The following TXLNB variants were observed in gnomAD, a reference collection of about 807,000 sequenced individuals.
TXLNB encodes the protein taxilin beta.
In TXLNB, 37 loss-of-function variants were observed where a neutral mutation model predicts 57.4. That is an observed-to-expected ratio of 0.64 (90% CI 0.50 to 0.85). The LOEUF (loss-of-function observed/expected upper bound fraction) is 0.85, where lower values mean the gene tolerates loss of function less well. Ranked by LOEUF, TXLNB falls within the 40% of genes least tolerant of loss-of-function variation. The pLI is 0.00. For synonymous variants in TXLNB, 302 were observed against 309.6 expected, an observed-to-expected ratio of 0.98 and a Z score of 0.26; for missense variants, 848 against 825.6, an observed-to-expected ratio of 1.03 and a Z score of -0.33.
chr6:139,226,158 G>T, the TXLNB span, among the ~76,000 whole-genome samples: 48 of 151,728 alleles, frequency 3.2e-4, no homozygotes, highest in African/African-American at 9.9e-4. Flanking sequence ...AATTAGCCAG[G>T]CTGGTGATGC....
chr6:139,226,173 C>T, the TXLNB span, among the ~76,000 whole-genome samples: 3 of 151,642 alleles, frequency 2.0e-5, no homozygotes, highest in African/African-American at 7.3e-5. Context: ...TGATGCGTGC[C>T]TGTAGTCCCA....
chr6:139,240,054 TAG>T (rs1170026710), downstream of TXLNB: 2 of 152,394 alleles, frequency 1.3e-5, no homozygotes, highest in African/African-American at 4.8e-5. Context: ...AAATGAGTAC[TAG>T]AGAATTTGGG....
At chr6:139,169,367 C>T in the TXLNB span, among the ~76,000 whole-genome samples, 4 of 151,914 alleles carry the variant, frequency 2.6e-5, no homozygotes, top group Non-Finnish European at 5.9e-5. Flanking sequence ...GGTGTTTTTA[C>T]GGAGTTACAA....
chr6:139,322,646 AGT>A, the TXLNB span, among the ~76,000 whole-genome samples: 9 of 152,272 alleles, frequency 5.9e-5, no homozygotes, highest in African/African-American at 2.2e-4. Flanking sequence ...AAGTCCCATT[AGT>A]TCTATCCTCA....
chr6:139,267,160 G>A (rs1263386270), intron 4 of TXLNB, among the ~76,000 whole-genome samples: 4 of 152,126 alleles, frequency 2.6e-5, no homozygotes, highest in Non-Finnish European at 4.4e-5. Flanking sequence ...ACATCAGACA[G>A]AAATGTGAAG....
intron 3 of TXLNB, among the ~76,000 whole-genome samples, chr6:139,274,469 C>T (rs1776844113): frequency 6.6e-6 from 1 of 152,154 alleles, no homozygotes; most frequent in South Asian, 2.1e-4. Flanking sequence ...TTCTCCTATT[C>T]ATTTTTTCTA....
the TXLNB span, among the ~76,000 whole-genome samples, chr6:139,300,923 T>C: frequency 3.3e-5 from 5 of 152,210 alleles, no homozygotes; most frequent in Admixed American, 2.0e-4. Flanking sequence ...TTCCCTTGTG[T>C]GTTCCTTAAT....
At position 139,252,951 on chromosome 6, in the gene TXLNB, C is replaced by A. The variant is rs58798089; in HGVS notation, c.1077+2613G>T. On this transcript the variant is annotated intron_variant, in intron 7 of 9. Transcript: ENST00000358430. ...AGCTTGCAGTGAGCTGACATCATGC[C>A]ACTGCACTCCAGCCTGGGCAACAGA... 8.0e-4 allele frequency among the ~76,000 whole-genome samples: 122 copies of A among 152,318 alleles called. 2 individuals are homozygous for A. The East Asian group carries it at 0.021, about 26-fold the overall frequency.
chr6:139,289,251 G>A (rs1360371733), intron 1 of TXLNB, among the ~76,000 whole-genome samples: 1 of 152,184 alleles, frequency 6.6e-6, no homozygotes, highest in Non-Finnish European at 1.5e-5. Flanking sequence ...TACAGACATT[G>A]TATAGAAAAG....
rs576756838 is a variant in TXLNB at position 139,289,305 on chromosome 6, G to A, written c.-14-392C>T. Among the ~76,000 whole-genome samples the A allele has an allele frequency of 7.3e-5, 11 of 150,460 alleles. No homozygotes were observed. In the East Asian group the frequency reaches 1.2e-3, roughly 16 times the overall value. ...CCTGTTTTGTTTCGATCTAATTACCGGTGCATGCAGCCCCCAGTCACGTAC... is the reference window on the plus strand; with the variant it reads ...CCTGTTTTGTTTCGATCTAATTACCAGTGCATGCAGCCCCCAGTCACGTAC... On this transcript the variant is annotated intron_variant, in intron 1 of 9. Coordinates refer to ENST00000358430, the MANE Select transcript of TXLNB (RefSeq NM_153235.4).
the TXLNB span, chr6:139,166,647 G>A: frequency 6.2e-7 from 1 of 1,614,178 alleles, no homozygotes; most frequent in Non-Finnish European, 8.5e-7. Flanking sequence ...AAGAACACAG[G>A]GAGGCCTCCT....
chr6:139,206,909 T>C, the TXLNB span, among the ~76,000 whole-genome samples: 1 of 152,162 alleles, frequency 6.6e-6, no homozygotes. Flanking sequence ...GGACATTATA[T>C]AGTGATAGAA....
rs552586074 is a variant in TXLNB at position 139,276,916 on chromosome 6, C to A, written c.430G>T (p.Glu144Ter). Residue 144 changes from glutamate to a stop codon, truncating the protein, a stop_gained, in exon 3 of 10, where the codon GAA becomes TAA. Coordinates refer to ENST00000358430, the MANE Select transcript of TXLNB (RefSeq NM_153235.4). LOFTEE classifies it high-confidence loss of function. The part of the protein sequence containing the change: ...EKKILKGLGK[E>*]ANLLMQNLNK... ...AGATTTTGCATTAGCAGGTTGGCTT[C>A]TTTGCCTTAAAAAAAAAAGACATGA... 1 of 1,550,974 alleles carries A rather than the reference C, an allele frequency of 6.4e-7. No homozygotes were observed.
At chr6:139,298,163 C>T in the TXLNB span, among the ~76,000 whole-genome samples, 2 of 152,264 alleles carry the variant, frequency 1.3e-5, no homozygotes, top group Non-Finnish European at 2.9e-5. Flanking sequence ...AATATTATTT[C>T]TAGTAAAGAG....
intron 4 of TXLNB, among the ~76,000 whole-genome samples, chr6:139,264,649 A>C (rs1324362461): frequency 6.6e-6 from 1 of 152,040 alleles, no homozygotes; most frequent in Non-Finnish European, 1.5e-5. Flanking sequence ...AACCTCCAAC[A>C]CCCGAGTTCA....
chr6:139,237,398 G>A (rs754283617), downstream of TXLNB: 3 of 151,746 alleles, frequency 2.0e-5, no homozygotes, highest in Non-Finnish European at 4.4e-5. Context: ...CCAGCTACTC[G>A]GGAGGCTGAG....
At chr6:139,289,115 C>T (rs1302004632) in intron 1 of TXLNB, among the ~76,000 whole-genome samples, 2 of 152,170 alleles carry the variant, frequency 1.3e-5, no homozygotes, top group Non-Finnish European at 2.9e-5. Flanking sequence ...CCAATTTCTG[C>T]CTCCAAAGAA....
In TXLNB at chr6:139,242,434, C is replaced by T. The variant is rs1302756107; in HGVS notation, c.*92G>A. Reference sequence around the variant, plus strand: ...TTGATCCTAAGTCTCTTCCATTTGACATCTCTAGCCCTTAATGCCTTTTTC... The same window carrying T: ...TTGATCCTAAGTCTCTTCCATTTGATATCTCTAGCCCTTAATGCCTTTTTC... On this transcript the variant is annotated 3_prime_UTR_variant, in exon 10 of 10. Coordinates refer to ENST00000358430, the MANE Select transcript of TXLNB (RefSeq NM_153235.4). 1.8e-6 allele frequency: 2 copies of T among 1,084,846 alleles called. No individual in the cohort carries two copies. The highest frequency in any genetic ancestry group is 3.1e-5 in the South Asian group (1 of 32,434). 67.2% of individuals were successfully genotyped at this position (1,084,846 alleles called of 1,614,324 possible).
At chr6:139,201,901 A>G in the TXLNB span, 2 of 152,286 alleles carry the variant, frequency 1.3e-5, no homozygotes, top group African/African-American at 2.4e-5. Context: ...AGCTGAAAAC[A>G]CCGGGGAAAA....
Sources: allele counts gnomAD v4.1 joint callset (sites outside exome capture counted in the v4.1 genomes callset), GRCh38; gene constraint gnomAD v4.1.1; transcripts MANE v1.5; gene names NCBI Gene and HGNC (gene_info 2026-07-23, HGNC 2026-07-21).